DCUN1D5: variants seen among roughly 807,000 people sequenced by gnomAD.
DCUN1D5 encodes the protein DCN1-like protein 5.
In DCUN1D5, 10 loss-of-function variants were observed where a neutral mutation model predicts 38.3. The ratio of observed to expected loss-of-function variants is 0.26; its 90% CI spans 0.16 to 0.44. The LOEUF (loss-of-function observed/expected upper bound fraction) is 0.44, where lower values mean the gene tolerates loss of function less well. Among genes scored for constraint, DCUN1D5 ranks in the 20% least tolerant of loss-of-function variants. The probability of loss-of-function intolerance (pLI) is 1.00; values close to 1 mark genes in which losing one functional copy is unlikely to be tolerated. For missense variants in DCUN1D5, 148 were observed against 275.3 expected, an observed-to-expected ratio of 0.54 and a Z score of 3.27; for synonymous variants, 93 against 90.9, an observed-to-expected ratio of 1.02 and a Z score of -0.13.
Position 103,058,714 on chromosome 11 carries a change from C to T in DCUN1D5, c.*3645G>A, listed in dbSNP as rs7105967. Reference sequence around the variant, plus strand: ...ATTTAATAATTCAGACTAGCCTTTCCTATTGAGGAAGTTAATGAAATTGTT... The same window carrying T: ...ATTTAATAATTCAGACTAGCCTTTCTTATTGAGGAAGTTAATGAAATTGTT... On this transcript the variant is annotated 3_prime_UTR_variant, in exon 8 of 8. Coordinates refer to ENST00000260247, the MANE Select transcript of DCUN1D5 (RefSeq NM_032299.4). 0.035 allele frequency among the ~76,000 whole-genome samples: 5,290 copies of T among 151,558 alleles called. 312 individuals carry two copies. Among genetic ancestry groups the T allele is most frequent in the African/African-American group, 0.12 (5,010 of 41,308 alleles).
At chr11:103,090,873 C>CT (rs1461900793) in intron 1 of DCUN1D5, among the ~76,000 whole-genome samples, 2 of 152,182 alleles carry the variant, frequency 1.3e-5, no homozygotes, top group Non-Finnish European at 2.9e-5. Flanking sequence ...GATCGCGCCA[C>CT]TGCACTCCAG....
intron 2 of DCUN1D5, 84 bp downstream of exon 2, chr11:103,089,143 T>A: frequency 7.4e-7 from 1 of 1,353,868 alleles, no homozygotes; most frequent in African/African-American, 1.4e-5. Flanking sequence ...ATAGCAGGCC[T>A]GTAACAGATA....
At chr11:103,088,971 A>ATCTG (rs111856341) in intron 2 of DCUN1D5, among the ~76,000 whole-genome samples, 44,637 of 151,830 alleles carry the variant, frequency 0.29, 7,542 homozygotes, top group African/African-American at 0.48. Flanking sequence ...AAATAAATGA[A>ATCTG]TCTTTGTTTA....
At chr11:103,069,518 G>A (rs531503367) in intron 4 of DCUN1D5, among the ~76,000 whole-genome samples, 13 of 152,202 alleles carry the variant, frequency 8.5e-5, no homozygotes, top group African/African-American at 2.9e-4. Flanking sequence ...GGTGGAAATC[G>A]AAACCACACA....
In DCUN1D5 at chr11:103,055,058, C is replaced by T. The variant is rs1157989569; in HGVS notation, c.*7301G>A. The T allele has an allele frequency of 6.6e-6, 1 of 152,034 alleles. No individual in the cohort carries two copies. Among genetic ancestry groups the T allele is most frequent in the East Asian group, 1.9e-4 (1 of 5,190 alleles). 9.4% of individuals were successfully genotyped at this position (152,034 alleles called of 1,614,324 possible). A position where few individuals can be genotyped will look rare whatever the true frequency, so the allele number is the denominator to read the frequency against. The stretch of plus-strand genomic sequence containing the variant: ...ATAATAAGATACCTTGGGGATGGGA[C>T]CCAAGTCTAAACATGAAATTCATTT... On this transcript the variant is annotated 3_prime_UTR_variant, in exon 8 of 8. Coordinates refer to ENST00000260247, the MANE Select transcript of DCUN1D5 (RefSeq NM_032299.4).
Position 103,064,233 on chromosome 11 carries a change from T to C in DCUN1D5, c.658+42A>G. ...AATGCATACTCTCATTTAATATTTT[T>C]GGAAATTTTGTTTTCAAAGGAACAT... On this transcript the variant is annotated intron_variant, in intron 7 of 7. Coordinates refer to ENST00000260247, the MANE Select transcript of DCUN1D5 (RefSeq NM_032299.4). The surrounding 1 kb of genome is among the most constrained non-coding windows in gnomAD (Gnocchi z 4.5). 6.6e-7 allele frequency: 1 copy of C among 1,509,934 alleles called. No individual in the cohort carries two copies. Among genetic ancestry groups the C allele is most frequent in the Non-Finnish European group, 9.1e-7 (1 of 1,096,242 alleles). 93.5% of individuals were successfully genotyped at this position (1,509,934 alleles called of 1,614,324 possible).
chr11:103,053,956 T>C lies in DCUN1D5; in HGVS notation c.*8403A>G, dbSNP rs1861808924. 6.6e-6 allele frequency: 1 copy of C among 152,124 alleles called. No individual in the cohort carries two copies. Among genetic ancestry groups the C allele is most frequent in the Non-Finnish European group, 1.5e-5 (1 of 67,978 alleles). The allele number at this position is 152,124 out of a possible 1,614,324, so 9.4% of individuals were successfully genotyped here. A position where few individuals can be genotyped will look rare whatever the true frequency, so the allele number is the denominator to read the frequency against. On this transcript the variant is annotated 3_prime_UTR_variant, in exon 8 of 8. Coordinates refer to ENST00000260247, the MANE Select transcript of DCUN1D5 (RefSeq NM_032299.4). This position sits in a 1 kb window ranked among gnomAD's most constrained non-coding sequence, Gnocchi z 4.8. ...TAGATAAGGACTATTATTATCCTCA[T>C]GTTACAGACAAGGAAATGAAAGAAC... is the stretch of plus-strand genomic sequence containing the variant.
At position 103,077,143 on chromosome 11, in the gene DCUN1D5, T is replaced by C. The variant is rs1470357093; in HGVS notation, c.341+5605A>G. 6.6e-6 allele frequency among the ~76,000 whole-genome samples: 1 copy of C among 151,824 alleles called. No homozygotes were observed. Among genetic ancestry groups the C allele is most frequent in the Non-Finnish European group, 1.5e-5 (1 of 67,988 alleles). ...TGAACCCGGGAGGCGGAGCTTGCAGTGAGCCGAGATCGCGCCACTGCACTC... is the reference window on the plus strand; with the variant it reads ...TGAACCCGGGAGGCGGAGCTTGCAGCGAGCCGAGATCGCGCCACTGCACTC... On this transcript the variant is annotated intron_variant, in intron 4 of 7. Transcript: ENST00000260247. This position sits in a 1 kb window ranked among gnomAD's most constrained non-coding sequence, Gnocchi z 4.3.
At chr11:103,076,394 G>A (rs1862408157) in intron 4 of DCUN1D5, among the ~76,000 whole-genome samples, 1 of 152,120 alleles carries the variant, frequency 6.6e-6, no homozygotes. Context: ...AAGGAGATAA[G>A]AATCCAAGAT....
Position 103,074,799 on chromosome 11 carries a change from T to C in DCUN1D5, c.341+7949A>G, listed in dbSNP as rs1402400593. Among the ~76,000 whole-genome samples, 9 of 152,370 alleles carry C rather than the reference T, an allele frequency of 5.9e-5. No individual in the cohort carries two copies. In the East Asian group the frequency reaches 1.7e-3, roughly 29 times the overall value. ...TTTCTGTAACCACAGAGTTGTCTTA[T>C]GCGGAAATTGTGATAATTCATAAAT... On this transcript the variant is annotated intron_variant, in intron 4 of 7. Coordinates refer to ENST00000260247, the MANE Select transcript of DCUN1D5 (RefSeq NM_032299.4).
chr11:103,061,696 TTAA>T lies in DCUN1D5; in HGVS notation c.*660_*662del, dbSNP rs1260834214. ...TCAACAATAATAATGATGATACAAC[TTAA>T]TAATACAACTTTTTTAGAAAACAAA... On this transcript the variant is annotated 3_prime_UTR_variant, in exon 8 of 8. Coordinates refer to ENST00000260247, the MANE Select transcript of DCUN1D5 (RefSeq NM_032299.4). 2.6e-5 allele frequency among the ~76,000 whole-genome samples: 4 copies of T among 151,756 alleles called. No homozygotes were observed. The highest frequency in any genetic ancestry group is 6.6e-5 in the Admixed American group (1 of 15,240).
In DCUN1D5 at chr11:103,071,445, C is replaced by A. The variant is rs1319223366; in HGVS notation, c.342-4878G>T. ...CACAATGAACAACTCTCTACACACA[C>A]AAATTTTTCTACACATATAAAGATT... On this transcript the variant is annotated intron_variant, in intron 4 of 7. Coordinates refer to ENST00000260247, the MANE Select transcript of DCUN1D5 (RefSeq NM_032299.4). This position sits in a 1 kb window ranked among gnomAD's most constrained non-coding sequence, Gnocchi z 4.1. Among the ~76,000 whole-genome samples, 5 of 151,496 alleles carry A rather than the reference C, an allele frequency of 3.3e-5. No homozygotes were observed. Among genetic ancestry groups the A allele is most frequent in the African/African-American group, 4.8e-5 (2 of 41,326 alleles).
At position 103,057,137 on chromosome 11, in the gene DCUN1D5, A is replaced by C. The variant is rs1334082478; in HGVS notation, c.*5222T>G. ...AAATAGGTAAGATTTCTACATTTGTAGATAAAAGTAACTGTGTATGAACTT... is the reference window on the plus strand; with the variant it reads ...AAATAGGTAAGATTTCTACATTTGTCGATAAAAGTAACTGTGTATGAACTT... On this transcript the variant is annotated 3_prime_UTR_variant, in exon 8 of 8. Coordinates refer to ENST00000260247, the MANE Select transcript of DCUN1D5 (RefSeq NM_032299.4). The surrounding 1 kb of genome is among the most constrained non-coding windows in gnomAD (Gnocchi z 4.8). Among the ~76,000 whole-genome samples, 4 of 152,220 alleles carry C rather than the reference A, an allele frequency of 2.6e-5. No homozygotes were observed. Among genetic ancestry groups the C allele is most frequent in the African/African-American group, 4.8e-5 (2 of 41,470 alleles).
In DCUN1D5 at chr11:103,082,711, T is replaced by C. The variant is rs373928239; in HGVS notation, c.341+37A>G. The C allele has an allele frequency of 6.6e-5, 87 of 1,319,458 alleles. No individual in the cohort carries two copies. The African/African-American group carries it at 8.2e-4, about 12-fold the overall frequency. The allele number at this position is 1,319,458 out of a possible 1,614,324, so 81.7% of individuals were successfully genotyped here. A position where few individuals can be genotyped will look rare whatever the true frequency, so the allele number is the denominator to read the frequency against. ...CAAAATATCAATTAAGATCTTCAAA[T>C]AGGCCATCAAATTTGTTTTTTAAAA... On this transcript the variant is annotated intron_variant, in intron 4 of 7. Transcript: ENST00000260247.
At chr11:103,081,494 T>C (rs886281178) in intron 4 of DCUN1D5, among the ~76,000 whole-genome samples, 3 of 152,200 alleles carry the variant, frequency 2.0e-5, no homozygotes, top group Non-Finnish European at 4.4e-5. Flanking sequence ...TCAGTCTTGG[T>C]AGCAAATGCT....
rs1405265570 is a variant in DCUN1D5 at position 103,078,945 on chromosome 11, TG to T, written c.341+3802del. 1.3e-5 allele frequency among the ~76,000 whole-genome samples: 2 copies of T among 152,178 alleles called. No individual in the cohort carries two copies. Among genetic ancestry groups the T allele is most frequent in the Non-Finnish European group, 2.9e-5 (2 of 68,030 alleles). On this transcript the variant is annotated intron_variant, in intron 4 of 7. Transcript: ENST00000260247. This position sits in a 1 kb window ranked among gnomAD's most constrained non-coding sequence, Gnocchi z 4.6. ...ACTCTAGCACATGTCACGTTCTCCTTGGTTTATGGTTACAGCAAGGTGCCCA... is the reference window on the plus strand; with the variant it reads ...ACTCTAGCACATGTCACGTTCTCCTTGTTTATGGTTACAGCAAGGTGCCCA...
chr11:103,091,614 G>C lies in DCUN1D5; in HGVS notation c.86+173C>G, dbSNP rs1053808679. 35 of 1,170,170 alleles carry C rather than the reference G, an allele frequency of 3.0e-5. No individual in the cohort carries two copies. Among genetic ancestry groups the C allele is most frequent in the Admixed American group, 6.2e-5 (3 of 48,516 alleles). The allele number at this position is 1,170,170 out of a possible 1,614,324, so 72.5% of individuals were successfully genotyped here. A position where few individuals can be genotyped will look rare whatever the true frequency, so the allele number is the denominator to read the frequency against. On this transcript the variant is annotated intron_variant, in intron 1 of 7. Coordinates refer to ENST00000260247, the MANE Select transcript of DCUN1D5 (RefSeq NM_032299.4). The surrounding 1 kb of genome is among the most constrained non-coding windows in gnomAD (Gnocchi z 4.3). ...CGCCAGCGTGCACACACTCGAACAC[G>C]AGGTCGGGTCGGGCGCGGAGACTCG... is the stretch of plus-strand genomic sequence containing the variant.
chr11:103,068,208 T>C (rs1361560356), intron 4 of DCUN1D5, among the ~76,000 whole-genome samples: 1 of 152,202 alleles, frequency 6.6e-6, no homozygotes, highest in Non-Finnish European at 1.5e-5. Context: ...CAGAATTTAA[T>C]TAATTTAATA....
At chr11:103,072,300 T>G (rs1254199402) in intron 4 of DCUN1D5, among the ~76,000 whole-genome samples, 1 of 144,826 alleles carries the variant, frequency 6.9e-6, no homozygotes, top group Non-Finnish European at 1.5e-5. Context: ...GTTCAACCAT[T>G]GTGGAAGACA....
Sources: gnomAD v4.1 joint callset for allele counts (sites outside exome capture counted in the v4.1 genomes callset) on GRCh38, gnomAD v4.1.1 for gene constraint, Gnocchi (gnomAD v3.1) non-coding constraint, MANE v1.5 for transcripts, NCBI Gene and HGNC (gene_info 2026-07-23, HGNC 2026-07-21) for gene names.